The following TWIST2 variants were observed in gnomAD, a reference collection of about 807,000 sequenced individuals.
The protein encoded by TWIST2 is twist-related protein 2.
Under a neutral mutation model 11.6 loss-of-function variants are expected in TWIST2, and 1 was observed. That is an observed-to-expected ratio of 0.09 (90% CI 0.03 to 0.41). The LOEUF is 0.41. Among genes scored for constraint, TWIST2 ranks in the 10% least tolerant of loss-of-function variants. The probability of loss-of-function intolerance (pLI) is 0.98; values close to 1 mark genes in which losing one functional copy is unlikely to be tolerated. For synonymous variants in TWIST2, 87 were observed against 96.6 expected, an observed-to-expected ratio of 0.90 and a Z score of 0.58; for missense variants, 168 against 226.4, an observed-to-expected ratio of 0.74 and a Z score of 1.66.
rs538408074 is a variant in TWIST2 at position 238,875,330 on chromosome 2, CAAG to C, written c.*35+26605_*35+26607del. Among the ~76,000 whole-genome samples the C allele has an allele frequency of 3.2e-4, 49 of 151,856 alleles. No individual in the cohort carries two copies. The South Asian group carries it at 7.5e-3, about 23-fold the overall frequency. On this transcript the variant is annotated intron_variant, in intron 1 of 1. Coordinates refer to ENST00000612363, the MANE Select transcript of TWIST2 (RefSeq NM_001271893.4). ...AGAAGGTGCAGCTGTGGGTCTTCTC[CAAG>C]AAGAAGACGGCCTCTTCCAAGACTC... is the stretch of plus-strand genomic sequence containing the variant.
At chr2:238,908,615 G>T (rs957350541) in intron 1 of TWIST2, among the ~76,000 whole-genome samples, 8,488 of 152,302 alleles carry the variant, frequency 0.056, 298 homozygotes, top group Non-Finnish European at 0.081. Context: ...ATATAATGTG[G>T]TATATAATAT....
At chr2:238,871,641 A>T (rs1170557528) in intron 1 of TWIST2, among the ~76,000 whole-genome samples, 2 of 85,366 alleles carry the variant, frequency 2.3e-5, no homozygotes, top group South Asian at 1.3e-3. Context: ...CACACCCCAC[A>T]CACAAACACC....
At position 238,880,892 on chromosome 2, in the gene TWIST2, TTTA is replaced by T. The variant is rs1040530709; in HGVS notation, c.*36-28940_*36-28938del. Reference sequence around the variant, plus strand: ...GTTATTGTTAGTGTTAGTGTTGGTATTTATTATTATTAGTGTTAGTGTCAGTAT... The same window carrying T: ...GTTATTGTTAGTGTTAGTGTTGGTATTTATTATTAGTGTTAGTGTCAGTAT... On this transcript the variant is annotated intron_variant, in intron 1 of 1. Transcript: ENST00000612363. Among the ~76,000 whole-genome samples, 144 of 107,912 alleles carry T rather than the reference TTTA, an allele frequency of 1.3e-3. 7 individuals are homozygous for T. Among genetic ancestry groups the T allele is most frequent in the East Asian group, 5.1e-3 (12 of 2,356 alleles). The allele number at this position is 107,912 out of a possible 152,430, so 70.8% of individuals were successfully genotyped here. A position where few individuals can be genotyped will look rare whatever the true frequency, so the allele number is the denominator to read the frequency against.
chr2:238,873,671 C>T (rs375294889), intron 1 of TWIST2, among the ~76,000 whole-genome samples: 25 of 152,236 alleles, frequency 1.6e-4, no homozygotes, highest in East Asian at 1.5e-3. Flanking sequence ...GCCCAATGCA[C>T]GGTGCCAGGG....
chr2:238,851,124 TGTAA>T (rs899762214), intron 1 of TWIST2, among the ~76,000 whole-genome samples: 1 of 152,222 alleles, frequency 6.6e-6, no homozygotes, highest in African/African-American at 2.4e-5. Flanking sequence ...TTCAGTACAT[TGTAA>T]GTGATTTTAA....
intron 1 of TWIST2, among the ~76,000 whole-genome samples, chr2:238,903,288 G>A (rs1693301150): frequency 1.3e-5 from 2 of 150,176 alleles, no homozygotes; most frequent in African/African-American, 2.5e-5. Flanking sequence ...TGTCTAATGT[G>A]AGGTGTGTGA....
intron 1 of TWIST2, among the ~76,000 whole-genome samples, chr2:238,906,280 T>A (rs1174148496): frequency 4.0e-5 from 6 of 150,234 alleles, no homozygotes; most frequent in Non-Finnish European, 1.5e-5. Context: ...ACATGCACAC[T>A]GACACTCCCA....
At chr2:238,905,890 CATGCGCGT>C (rs1358798041) in intron 1 of TWIST2, among the ~76,000 whole-genome samples, 17 of 119,696 alleles carry the variant, frequency 1.4e-4, no homozygotes, top group East Asian at 6.3e-4. Flanking sequence ...CATGTGCGCG[CATGCGCGT>C]GTGTGCGTGT....
intron 1 of TWIST2, among the ~76,000 whole-genome samples, chr2:238,872,761 C>T (rs1031907983): frequency 6.6e-6 from 1 of 152,208 alleles, no homozygotes; most frequent in Admixed American, 6.5e-5. Flanking sequence ...GGACAGGTGA[C>T]CAGTGTTGTT....
At chr2:238,902,175 T>A (rs1480304151) in intron 1 of TWIST2, among the ~76,000 whole-genome samples, 1 of 151,974 alleles carries the variant, frequency 6.6e-6, no homozygotes, top group Non-Finnish European at 1.5e-5. Flanking sequence ...TGTAATGGTG[T>A]GTGTGTGTGT....
chr2:238,906,619 TACTCAC>T (rs1693359802), intron 1 of TWIST2, among the ~76,000 whole-genome samples: 1 of 151,990 alleles, frequency 6.6e-6, no homozygotes, highest in Non-Finnish European at 1.5e-5. Flanking sequence ...CATTCTTTCA[TACTCAC>T]ACTCACTCTC....
intron 1 of TWIST2, among the ~76,000 whole-genome samples, chr2:238,888,824 T>C (rs955153463): frequency 6.6e-6 from 1 of 152,186 alleles, no homozygotes; most frequent in Non-Finnish European, 1.5e-5. Flanking sequence ...CTCAGGCACA[T>C]TGTTGCAACT....
At chr2:238,892,971 C>T (rs1317088738) in intron 1 of TWIST2, among the ~76,000 whole-genome samples, 1 of 152,136 alleles carries the variant, frequency 6.6e-6, no homozygotes, top group Non-Finnish European at 1.5e-5. Context: ...GTAACTGAGT[C>T]CAGAGCTTGG....
At chr2:238,869,437 C>T (rs888508891) in intron 1 of TWIST2, among the ~76,000 whole-genome samples, 31 of 152,198 alleles carry the variant, frequency 2.0e-4, no homozygotes, top group East Asian at 9.6e-4. Flanking sequence ...GAGAAAGTAT[C>T]GGCAAATTAT....
intron 1 of TWIST2, among the ~76,000 whole-genome samples, chr2:238,873,214 C>G (rs1035750384): frequency 2.6e-5 from 4 of 152,240 alleles, no homozygotes; most frequent in African/African-American, 9.6e-5. Flanking sequence ...TGAGAGCCTC[C>G]CACGTGCTGG....
At chr2:238,876,124 G>A (rs1370953945) in intron 1 of TWIST2, among the ~76,000 whole-genome samples, 2 of 152,208 alleles carry the variant, frequency 1.3e-5, no homozygotes, top group Non-Finnish European at 2.9e-5. Flanking sequence ...TCACTGCCCC[G>A]TTGGGTGGGT....
chr2:238,897,310 C>T (rs891026693), intron 1 of TWIST2, among the ~76,000 whole-genome samples: 295 of 152,208 alleles, frequency 1.9e-3, no homozygotes, highest in East Asian at 0.016. Context: ...CTGTCCTCCG[C>T]GCGCCCCCCT....
intron 1 of TWIST2, among the ~76,000 whole-genome samples, chr2:238,897,047 T>C (rs1693215220): frequency 6.6e-6 from 1 of 152,164 alleles, no homozygotes; most frequent in Non-Finnish European, 1.5e-5. Flanking sequence ...GAATTCTAAT[T>C]GTTTCCTGAT....
At chr2:238,909,034 A>G (rs1164583037) in intron 1 of TWIST2, among the ~76,000 whole-genome samples, 20,590 of 32,062 alleles carry the variant, frequency 0.64, 5,461 homozygotes, top group African/African-American at 0.67. Flanking sequence ...GGTGTGGTGT[A>G]TTCGTGGTTG....
Sources: allele counts gnomAD v4.1 joint callset (sites outside exome capture counted in the v4.1 genomes callset), GRCh38; gene constraint gnomAD v4.1.1; transcripts MANE v1.5; gene names NCBI Gene and HGNC (gene_info 2026-07-23, HGNC 2026-07-21).